IGFL2: variants seen among roughly 807,000 people sequenced by gnomAD.
IGFL2 encodes insulin growth factor-like family member 2.
Under a neutral mutation model 13.9 loss-of-function variants are expected in IGFL2, and 7 were observed. That is an observed-to-expected ratio of 0.51 (90% CI 0.29 to 0.95). The LOEUF (loss-of-function observed/expected upper bound fraction) is 0.95. Among genes scored for constraint, IGFL2 ranks in the 40% least tolerant of loss-of-function variants. The pLI is 0.08. For synonymous variants in IGFL2, 55 were observed against 55.8 expected, an observed-to-expected ratio of 0.99 and a Z score of 0.07; for missense variants, 138 against 147.8, an observed-to-expected ratio of 0.93 and a Z score of 0.34.
the IGFL2 span, chr19:46,137,646 A>T: frequency 0.029 from 21,017 of 716,716 alleles, 585 homozygotes; most frequent in East Asian, 0.084. Flanking sequence ...GTGACCCAGG[A>T]TGGGGACACC....
the IGFL2 span, among the ~76,000 whole-genome samples, chr19:46,180,201 C>CA: frequency 7.0e-6 from 1 of 142,428 alleles, no homozygotes. Flanking sequence ...TTTTCTGAGA[C>CA]AGAGTCTCCC....
At chr19:46,088,928 G>C in the IGFL2 span, among the ~76,000 whole-genome samples, 1 of 152,176 alleles carries the variant, frequency 6.6e-6, no homozygotes, top group Non-Finnish European at 1.5e-5. Flanking sequence ...ATAGGAAAAG[G>C]AAGTCATTCT....
intron 3 of IGFL2, 79 bp downstream of exon 3, chr19:46,160,960 T>A (rs1290922832): frequency 1.3e-6 from 2 of 1,562,962 alleles, no homozygotes; most frequent in Non-Finnish European, 1.8e-6. Flanking sequence ...TCTTCATCAC[T>A]CCTTTTGAAG....
At chr19:46,106,880 G>A in the IGFL2 span, among the ~76,000 whole-genome samples, 2 of 152,226 alleles carry the variant, frequency 1.3e-5, no homozygotes, top group African/African-American at 4.8e-5. Flanking sequence ...GGGAGTAGAG[G>A]GATCCCATGC....
the IGFL2 span, among the ~76,000 whole-genome samples, chr19:46,177,817 A>G: frequency 2.0e-5 from 3 of 152,040 alleles, no homozygotes; most frequent in Non-Finnish European, 4.4e-5. Flanking sequence ...CAAAAATAAA[A>G]TCTTCAGCTC....
chr19:46,186,813 T>A, the IGFL2 span, among the ~76,000 whole-genome samples: 1 of 152,202 alleles, frequency 6.6e-6, no homozygotes, highest in Admixed American at 6.5e-5. Context: ...CGCTGCTACG[T>A]GTCAGGCATT....
intron 1 of IGFL2, chr19:46,148,741 A>C: frequency 1.2e-6 from 1 of 830,112 alleles, no homozygotes; most frequent in Non-Finnish European, 1.8e-6. Context: ...GAGGGAGAAG[A>C]AAGGAGGGAG....
the IGFL2 span, among the ~76,000 whole-genome samples, chr19:46,118,205 A>C: frequency 6.6e-6 from 1 of 152,214 alleles, no homozygotes; most frequent in Non-Finnish European, 1.5e-5. Flanking sequence ...AACTTCTATA[A>C]ATTGGAATAG....
chr19:46,144,363 A>G (rs1301345215), upstream of IGFL2, among the ~76,000 whole-genome samples: 21 of 152,206 alleles, frequency 1.4e-4, no homozygotes, highest in Admixed American at 1.4e-3. Flanking sequence ...CCCTCAAGTC[A>G]TGACTTGCTG....
chr19:46,082,250 A>G, the IGFL2 span, among the ~76,000 whole-genome samples: 159 of 152,288 alleles, frequency 1.0e-3, no homozygotes, highest in African/African-American at 3.6e-3. Context: ...TACTATTACT[A>G]CTATCATTAT....
chr19:46,154,842 T>C (rs1973725713), intron 1 of IGFL2, among the ~76,000 whole-genome samples: 1 of 152,092 alleles, frequency 6.6e-6, no homozygotes, highest in South Asian at 2.1e-4. Flanking sequence ...TACGGTGTTC[T>C]TAGGCATGAA....
At chr19:46,090,354 C>T in the IGFL2 span, among the ~76,000 whole-genome samples, 1 of 152,280 alleles carries the variant, frequency 6.6e-6, no homozygotes, top group South Asian at 2.1e-4. Context: ...TCATATTTAT[C>T]CATCTCTTTA....
At chr19:46,167,221 C>G in the IGFL2 span, among the ~76,000 whole-genome samples, 558 of 152,304 alleles carry the variant, frequency 3.7e-3, 1 homozygote, top group Middle Eastern at 6.8e-3. Flanking sequence ...GTTTGGGGTC[C>G]CTGACTTCCC....
intron 1 of IGFL2, among the ~76,000 whole-genome samples, chr19:46,154,764 T>C (rs1973719953): frequency 6.6e-6 from 1 of 152,182 alleles, no homozygotes; most frequent in Non-Finnish European, 1.5e-5. Context: ...TTTTGTTTCT[T>C]GTTACTACTG....
At chr19:46,161,485 T>C (rs1411781513), downstream of IGFL2, among the ~76,000 whole-genome samples, 2 of 152,210 alleles carry the variant, frequency 1.3e-5, no homozygotes, top group African/African-American at 4.8e-5. Context: ...CTTTAAGAGT[T>C]TCCTCTATTA....
the IGFL2 span, among the ~76,000 whole-genome samples, chr19:46,128,828 G>A: frequency 6.6e-6 from 1 of 152,154 alleles, no homozygotes; most frequent in Admixed American, 6.5e-5. Flanking sequence ...GTGTCTGCCA[G>A]GTTTTGATAT....
chr19:46,198,460 T>C, the IGFL2 span: 2 of 152,136 alleles, frequency 1.3e-5, no homozygotes, highest in Non-Finnish European at 2.9e-5. Flanking sequence ...AAAAAATAAA[T>C]TCTGCCTCGG....
chr19:46,098,914 T>A, the IGFL2 span, among the ~76,000 whole-genome samples: 1 of 152,204 alleles, frequency 6.6e-6, no homozygotes, highest in Non-Finnish European at 1.5e-5. Flanking sequence ...TTCTTCATAG[T>A]GTCGTTGGTC....
chr19:46,139,283 A>AG (rs1264867080), upstream of IGFL2, among the ~76,000 whole-genome samples: 1 of 149,772 alleles, frequency 6.7e-6, no homozygotes, highest in African/African-American at 2.5e-5. Context: ...CCTTGGTGGG[A>AG]GAAGCTCTTC....
Sources: gnomAD v4.1 joint callset for allele counts (sites outside exome capture counted in the v4.1 genomes callset) on GRCh38, gnomAD v4.1.1 for gene constraint, MANE v1.5 for transcripts, NCBI Gene and HGNC (gene_info 2026-07-23, HGNC 2026-07-21) for gene names.